CCDC146: variants seen among roughly 807,000 people sequenced by gnomAD.
CCDC146 encodes coiled-coil domain containing 146.
A neutral mutation model predicts 119.3 loss-of-function variants in CCDC146; 92 were observed. The observed-to-expected ratio is 0.77, with a 90% confidence interval of 0.65 to 0.92. The LOEUF is 0.92. Among genes scored for constraint, CCDC146 ranks in the 40% least tolerant of loss-of-function variants. CCDC146 has a pLI of 0.00. For missense variants in CCDC146, 1,000 were observed against 1,103.0 expected, an observed-to-expected ratio of 0.91 and a Z score of 1.32; for synonymous variants, 372 against 371.8, an observed-to-expected ratio of 1.00 and a Z score of -0.01.
chr7:77,242,115 G>A (rs563910632), intron 4 of CCDC146, among the ~76,000 whole-genome samples: 1 of 152,222 alleles, frequency 6.6e-6, no homozygotes, highest in African/African-American at 2.4e-5. Context: ...GATGCCTGCT[G>A]TGTTTTTCAT....
At chr7:77,294,463 G>GGTAGGTGTGT (rs1554364032) in intron 18 of CCDC146, among the ~76,000 whole-genome samples, 200 bp from the exon 19 acceptor site, 1 of 134,232 alleles carries the variant, frequency 7.4e-6, no homozygotes, top group African/African-American at 2.8e-5. Flanking sequence ...ATGAGAGGTA[G>GGTAGGTGTGT]GTGTGTGTGT....
At chr7:77,208,421 C>T (rs1356706311) in intron 2 of CCDC146, among the ~76,000 whole-genome samples, 1 of 152,140 alleles carries the variant, frequency 6.6e-6, no homozygotes, top group Non-Finnish European at 1.5e-5. Context: ...GTACAGTGTG[C>T]TAGCATGTTA....
At chr7:77,274,894 G>A (rs562801676) in intron 11 of CCDC146, among the ~76,000 whole-genome samples, 2 of 152,236 alleles carry the variant, frequency 1.3e-5, no homozygotes, top group South Asian at 4.1e-4. Flanking sequence ...GAGGGGAGCG[G>A]GGAGGGATAG....
chr7:77,260,808 C>G (rs1793280887), intron 8 of CCDC146, among the ~76,000 whole-genome samples: 1 of 150,764 alleles, frequency 6.6e-6, no homozygotes. Context: ...TTTTTTTCTT[C>G]TCATTAGAGA....
At chr7:77,179,401 A>T (rs975968509) in intron 2 of CCDC146, among the ~76,000 whole-genome samples, 6 of 152,162 alleles carry the variant, frequency 3.9e-5, no homozygotes, top group Admixed American at 1.3e-4. Context: ...CATAATTAAC[A>T]ATCTTTTATA....
chr7:77,241,589 G>A, intron 3 of CCDC146, 102 bp from the exon 4 acceptor site: 2 of 935,490 alleles, frequency 2.1e-6, no homozygotes, highest in South Asian at 3.0e-5. Context: ...GAGTTGAGTT[G>A]ATCTGAGGAG....
At chr7:77,219,344 G>C (rs1324455215) in intron 2 of CCDC146, among the ~76,000 whole-genome samples, 1 of 149,028 alleles carries the variant, frequency 6.7e-6, no homozygotes, top group Non-Finnish European at 1.5e-5. Context: ...ACTTTGTTAT[G>C]TATGGTTCTA....
intron 2 of CCDC146, among the ~76,000 whole-genome samples, chr7:77,219,291 T>C (rs2150459207): frequency 6.6e-6 from 1 of 152,342 alleles, no homozygotes; most frequent in South Asian, 2.1e-4. Context: ...TCTACTTTGC[T>C]TAGGTATCAA....
chr7:77,227,302 G>C (rs778407891), intron 2 of CCDC146, among the ~76,000 whole-genome samples: 16 of 151,994 alleles, frequency 1.1e-4, no homozygotes, highest in Non-Finnish European at 1.8e-4. Context: ...TCAAACCATT[G>C]CTGTTTTTTT....
intron 2 of CCDC146, among the ~76,000 whole-genome samples, chr7:77,218,972 G>C (rs1478107015): frequency 6.6e-6 from 1 of 152,056 alleles, no homozygotes; most frequent in Non-Finnish European, 1.5e-5. Context: ...TTGTTAATTT[G>C]CAATCTGTGG....
intron 2 of CCDC146, among the ~76,000 whole-genome samples, chr7:77,180,140 T>C (rs1360461897): frequency 1.3e-5 from 2 of 150,378 alleles, no homozygotes; most frequent in Non-Finnish European, 3.0e-5. Context: ...CATATGTATG[T>C]ACCATATATA....
rs187070438 is a variant in CCDC146, at chr7:77,237,195, A to G, written c.239+166A>G. The G allele has an allele frequency of 6.5e-5, 39 of 600,646 alleles. No individual in the cohort carries two copies. The East Asian group carries it at 1.1e-3, about 17-fold the overall frequency. 37.2% of individuals were successfully genotyped at this position (600,646 alleles called of 1,614,324 possible). A position where few individuals can be genotyped will look rare whatever the true frequency, so the allele number is the denominator to read the frequency against. ...AGAAAGCATCGTGAGAGAGTGGGGA[A>G]GTGCGACTGGGAAGGAAGGAATCTA... On this transcript the variant is annotated intron_variant, in intron 3 of 18. Transcript: ENST00000285871.
chr7:77,127,268 C>G (rs1790701593), intron 1 of CCDC146, among the ~76,000 whole-genome samples: 1 of 152,102 alleles, frequency 6.6e-6, no homozygotes, highest in East Asian at 1.9e-4. Context: ...GCAGCTGCAC[C>G]CAAGAGGGCA....
At chr7:77,248,242 G>A (rs138688462) in intron 4 of CCDC146, among the ~76,000 whole-genome samples, 143 of 152,300 alleles carry the variant, frequency 9.4e-4, no homozygotes, top group African/African-American at 3.2e-3. Context: ...GACGTAGAGT[G>A]TGGACTAGTA....
At chr7:77,199,034 A>C (rs966229836) in intron 2 of CCDC146, 11 of 683,768 alleles carry the variant, frequency 1.6e-5, no homozygotes, top group Middle Eastern at 4.1e-4. Flanking sequence ...ATATTTGAGA[A>C]GATATTTATT....
intron 2 of CCDC146, among the ~76,000 whole-genome samples, chr7:77,192,306 T>C (rs1389338136): frequency 6.6e-6 from 1 of 152,204 alleles, no homozygotes; most frequent in Non-Finnish European, 1.5e-5. Flanking sequence ...TCTATTACTA[T>C]TCCTATTTTA....
At chr7:77,240,458 C>T (rs998541726) in intron 3 of CCDC146, among the ~76,000 whole-genome samples, 3 of 152,172 alleles carry the variant, frequency 2.0e-5, no homozygotes, top group African/African-American at 7.2e-5. Flanking sequence ...ATGGATACTC[C>T]AGTCCCTGAT....
At chr7:77,185,680 C>G (rs1791656695) in intron 2 of CCDC146, among the ~76,000 whole-genome samples, 1 of 152,176 alleles carries the variant, frequency 6.6e-6, no homozygotes, top group Non-Finnish European at 1.5e-5. Flanking sequence ...TCTTCAATGT[C>G]TAGTTACAGA....
chr7:77,195,217 A>T (rs1417142501), intron 2 of CCDC146: 7 of 142,880 alleles, frequency 4.9e-5, no homozygotes, highest in Admixed American at 3.8e-4. Flanking sequence ...GAGCAATCTT[A>T]AATTAAAAGC....
Sources: allele counts gnomAD v4.1 joint callset (sites outside exome capture counted in the v4.1 genomes callset), GRCh38; gene constraint gnomAD v4.1.1; transcripts MANE v1.5; gene names NCBI Gene and HGNC (gene_info 2026-07-23, HGNC 2026-07-21).